The following SLF1 variants were observed in gnomAD, a reference collection of about 807,000 sequenced individuals.
SLF1 encodes the protein SMC5/6 complex localization factor 1, also known as SMC5-SMC6 complex localization factor protein 1.
SLF1 carries 105 observed loss-of-function variants against 123.0 expected under a neutral mutation model. The ratio of observed to expected loss-of-function variants is 0.85; its 90% CI spans 0.73 to 1.00. The LOEUF is 1.00. Ranked by LOEUF, SLF1 falls within the 50% of genes least tolerant of loss-of-function variation. The pLI is 0.00. For synonymous variants in SLF1, 434 were observed against 406.6 expected, an observed-to-expected ratio of 1.07 and a Z score of -0.81; for missense variants, 1,239 against 1,223.0, an observed-to-expected ratio of 1.01 and a Z score of -0.20.
intron 4 of SLF1, among the ~76,000 whole-genome samples, chr5:94,634,593 T>C (rs906047401): frequency 2.6e-5 from 4 of 152,224 alleles, no homozygotes; most frequent in African/African-American, 9.6e-5. Context: ...CACTTTAGGT[T>C]GGTTTTATAA....
At chr5:94,694,651 AT>A (rs1258932657) in intron 20 of SLF1, among the ~76,000 whole-genome samples, 179 bp from the exon 21 acceptor site, 1 of 151,800 alleles carries the variant, frequency 6.6e-6, no homozygotes, top group Non-Finnish European at 1.5e-5. Context: ...ATTGACTAGA[AT>A]TTTTTTAATG....
chr5:94,623,303 T>C (rs1366472065), intron 1 of SLF1, among the ~76,000 whole-genome samples: 1 of 152,164 alleles, frequency 6.6e-6, no homozygotes, highest in African/African-American at 2.4e-5. Context: ...TTATAGTCAT[T>C]GTCTCCTTAG....
intron 4 of SLF1, among the ~76,000 whole-genome samples, chr5:94,631,437 C>T (rs191486295): frequency 7.2e-5 from 11 of 152,228 alleles, no homozygotes; most frequent in Admixed American, 1.3e-4. Flanking sequence ...CACCAGGCAA[C>T]CACTAATTTC....
chr5:94,648,986 G>A (rs909991288), intron 5 of SLF1, among the ~76,000 whole-genome samples: 1 of 152,142 alleles, frequency 6.6e-6, no homozygotes, highest in Non-Finnish European at 1.5e-5. Context: ...TAAGATAATT[G>A]TTGTTTATTG....
intron 8 of SLF1, 102 bp downstream of exon 8, chr5:94,653,523 A>C (rs759479701): frequency 9.6e-7 from 1 of 1,045,516 alleles, no homozygotes; most frequent in East Asian, 3.2e-5. Flanking sequence ...AAAAATCTTG[A>C]GTCAATCTGG....
intron 15 of SLF1, among the ~76,000 whole-genome samples, chr5:94,686,021 C>A (rs893394421): frequency 6.6e-6 from 1 of 151,628 alleles, no homozygotes; most frequent in Non-Finnish European, 1.5e-5. Flanking sequence ...TTCTTCTTTA[C>A]CTTGTGCGTT....
chr5:94,667,694 A>T (rs1325129953), intron 12 of SLF1, among the ~76,000 whole-genome samples: 1 of 151,990 alleles, frequency 6.6e-6, no homozygotes. Flanking sequence ...GTTATTTTCC[A>T]TATCCTGTCT....
rs1456809611 is a variant in SLF1, at chr5:94,697,362, G to A, written c.*2050G>A. On this transcript the variant is annotated 3_prime_UTR_variant, in exon 21 of 21. Coordinates refer to ENST00000265140, the MANE Select transcript of SLF1 (RefSeq NM_032290.4). ...TAGAAAACATAATAATAATTGCCTT[G>A]AATAATTGCCCAAATCTATCTTGGA... is the stretch of plus-strand genomic sequence containing the variant. 2.6e-5 allele frequency: 4 copies of A among 151,758 alleles called. No individual in the cohort carries two copies. The highest frequency in any genetic ancestry group is 2.1e-4 in the South Asian group (1 of 4,814). The allele number at this position is 151,758 out of a possible 1,614,324, so 9.4% of individuals were successfully genotyped here. A position where few individuals can be genotyped will look rare whatever the true frequency, so the allele number is the denominator to read the frequency against.
chr5:94,625,291 T>A (rs959397835), intron 1 of SLF1, among the ~76,000 whole-genome samples: 1 of 152,124 alleles, frequency 6.6e-6, no homozygotes, highest in Non-Finnish European at 1.5e-5. Flanking sequence ...AAGTATTGAT[T>A]GAATACCAAG....
upstream of SLF1, chr5:94,618,569 G>GT (rs1286570866): frequency 6.5e-6 from 1 of 153,996 alleles, no homozygotes; most frequent in Non-Finnish European, 1.5e-5. Context: ...TCTGCACCAG[G>GT]TATTACCACC....
At chr5:94,672,422 A>T (rs1406549567) in intron 14 of SLF1, among the ~76,000 whole-genome samples, 2 of 150,312 alleles carry the variant, frequency 1.3e-5, no homozygotes, top group African/African-American at 4.9e-5. Flanking sequence ...TGTGTTTTTC[A>T]CCTTGTATCT....
At chr5:94,662,779 T>C (rs144640715) in intron 10 of SLF1, among the ~76,000 whole-genome samples, 6 of 152,372 alleles carry the variant, frequency 3.9e-5, no homozygotes, top group East Asian at 3.9e-4. Context: ...ATCCAGTCTA[T>C]TGTTAAATTA....
At chr5:94,632,132 C>T (rs767784908) in intron 4 of SLF1, among the ~76,000 whole-genome samples, 1 of 151,972 alleles carries the variant, frequency 6.6e-6, no homozygotes, top group Non-Finnish European at 1.5e-5. Flanking sequence ...ATTTTATATT[C>T]CCAGTAGTAG....
At chr5:94,653,859 T>G (rs952535251) in intron 8 of SLF1, among the ~76,000 whole-genome samples, 3 of 152,106 alleles carry the variant, frequency 2.0e-5, no homozygotes, top group Non-Finnish European at 2.9e-5. Flanking sequence ...TATGACTTTT[T>G]TTTTTTTTAA....
At chr5:94,666,708 C>T (rs1749799730) in intron 12 of SLF1, among the ~76,000 whole-genome samples, 1 of 152,214 alleles carries the variant, frequency 6.6e-6, no homozygotes, top group South Asian at 2.1e-4. Flanking sequence ...CTGATCTTGG[C>T]TCACTGTAAC....
chr5:94,662,408 T>C lies in SLF1; in HGVS notation c.1209+57T>C, dbSNP rs1157942039. 9.6e-6 allele frequency: 13 copies of C among 1,349,934 alleles called. No individual in the cohort carries two copies. In the East Asian group the frequency reaches 3.6e-4, roughly 37 times the overall value. The allele number at this position is 1,349,934 out of a possible 1,614,324, so 83.6% of individuals were successfully genotyped here. A position where few individuals can be genotyped will look rare whatever the true frequency, so the allele number is the denominator to read the frequency against. On this transcript the variant is annotated intron_variant, in intron 10 of 20. Coordinates refer to ENST00000265140, the MANE Select transcript of SLF1 (RefSeq NM_032290.4). ...GGCAAAGAAGAAGTTTTGTGTTTTG[T>C]TATTAGTTATTTTGAATAAAAGTAA...
intron 12 of SLF1, among the ~76,000 whole-genome samples, chr5:94,668,073 T>TCTCTCCTCTCTC (rs1057326477): frequency 2.0e-5 from 3 of 151,794 alleles, no homozygotes; most frequent in African/African-American, 7.3e-5. Context: ...TCTTCTCTCT[T>TCTCTCCTCTCTC]CTCTCCTCTC....
At chr5:94,631,956 AT>A (rs1291838417) in intron 4 of SLF1, among the ~76,000 whole-genome samples, 7 of 141,538 alleles carry the variant, frequency 4.9e-5, no homozygotes, top group Non-Finnish European at 7.7e-5. Flanking sequence ...TCTCTACAAA[AT>A]TTTTTTTTCT....
At chr5:94,686,298 A>G (rs1444326545) in intron 15 of SLF1, among the ~76,000 whole-genome samples, 1 of 152,196 alleles carries the variant, frequency 6.6e-6, no homozygotes, top group Non-Finnish European at 1.5e-5. Flanking sequence ...TATATTACCT[A>G]ATCTGTATAT....
Sources: gnomAD v4.1 joint callset for allele counts (sites outside exome capture counted in the v4.1 genomes callset) on GRCh38, gnomAD v4.1.1 for gene constraint, MANE v1.5 for transcripts, NCBI Gene and HGNC (gene_info 2026-07-23, HGNC 2026-07-21) for gene names.